Variants in ANKRD6 observed in about 807,000 individuals in gnomAD.
ANKRD6 encodes ankyrin repeat domain-containing protein 6.
In ANKRD6, 56 loss-of-function variants were observed where a neutral mutation model predicts 82.3. The observed-to-expected ratio is 0.68, with a 90% CI of 0.55 to 0.85. The LOEUF is 0.85. Ranked by LOEUF, ANKRD6 falls within the 40% of genes least tolerant of loss-of-function variation. The pLI is 0.00. For synonymous variants in ANKRD6, 347 were observed against 352.1 expected (o/e 0.99, Z 0.16); for missense variants, 852 against 907.6 (o/e 0.94, Z 0.79).
chr6:89,542,344 G>A (rs1176405614), intron 1 of ANKRD6, among the ~76,000 whole-genome samples: 1 of 152,158 alleles, frequency 6.6e-6, no homozygotes, highest in East Asian at 1.9e-4. Flanking sequence ...TTTCTGTGAT[G>A]TTACCTGTTG....
chr6:89,594,191 G>A (rs1314395127), intron 2 of ANKRD6, among the ~76,000 whole-genome samples: 4 of 152,160 alleles, frequency 2.6e-5, no homozygotes, highest in East Asian at 1.9e-4. Flanking sequence ...AGTGGCTAAC[G>A]CCTGCAATCT....
intron 3 of ANKRD6, among the ~76,000 whole-genome samples, chr6:89,596,721 C>T (rs972289442): frequency 1.6e-4 from 24 of 152,160 alleles, no homozygotes; most frequent in African/African-American, 4.6e-4. Context: ...GGTGGAGTCA[C>T]GTAGTACAGT....
chr6:89,615,711 G>GA (rs1389351842), intron 7 of ANKRD6, among the ~76,000 whole-genome samples: 1 of 152,058 alleles, frequency 6.6e-6, no homozygotes, highest in African/African-American at 2.4e-5. Context: ...TGCTACCCAG[G>GA]AAAAAAGTAT....
intron 1 of ANKRD6, among the ~76,000 whole-genome samples, chr6:89,505,641 C>A (rs1464043977): frequency 6.6e-6 from 1 of 152,202 alleles, no homozygotes; most frequent in Non-Finnish European, 1.5e-5. Context: ...TTACAGAAAA[C>A]CCACCCATTT....
At chr6:89,531,811 G>A (rs1325827475) in intron 1 of ANKRD6, among the ~76,000 whole-genome samples, 1 of 152,352 alleles carries the variant, frequency 6.6e-6, no homozygotes, top group East Asian at 1.9e-4. Flanking sequence ...TAGGTTGTGT[G>A]TATATAGAGA....
intron 3 of ANKRD6, among the ~76,000 whole-genome samples, chr6:89,598,630 A>G (rs1796406573): frequency 6.6e-6 from 1 of 152,206 alleles, no homozygotes; most frequent in Non-Finnish European, 1.5e-5. Context: ...TTTAGACCTT[A>G]TAGGCACCAA....
At chr6:89,590,148 C>T (rs747018199) in intron 2 of ANKRD6, among the ~76,000 whole-genome samples, 2 of 152,190 alleles carry the variant, frequency 1.3e-5, no homozygotes, top group African/African-American at 2.4e-5. Context: ...TGCTTATATA[C>T]TCTGAAGATC....
chr6:89,571,786 G>A (rs986548024), intron 2 of ANKRD6, among the ~76,000 whole-genome samples: 1 of 152,152 alleles, frequency 6.6e-6, no homozygotes, highest in Non-Finnish European at 1.5e-5. Context: ...ATCACCCAAA[G>A]TCCATAGTTT....
intron 1 of ANKRD6, among the ~76,000 whole-genome samples, chr6:89,491,930 T>G (rs1778057589): frequency 6.6e-6 from 1 of 152,198 alleles, no homozygotes; most frequent in East Asian, 1.9e-4. Context: ...CTATTACCAT[T>G]AGATCCTATC....
chr6:89,454,037 A>AG (rs2127960045), intron 1 of ANKRD6, among the ~76,000 whole-genome samples: 1 of 152,190 alleles, frequency 6.6e-6, no homozygotes, highest in South Asian at 2.1e-4. Context: ...TCCTGACCTC[A>AG]GGTGATCCAC....
chr6:89,441,387 A>G (rs1418698566), intron 1 of ANKRD6, among the ~76,000 whole-genome samples: 1 of 152,156 alleles, frequency 6.6e-6, no homozygotes, highest in Non-Finnish European at 1.5e-5. Context: ...TCCTGACCTC[A>G]AGTGATCTGC....
chr6:89,522,456 GC>G (rs1782001883), intron 1 of ANKRD6, among the ~76,000 whole-genome samples: 1 of 152,174 alleles, frequency 6.6e-6, no homozygotes, highest in African/African-American at 2.4e-5. Context: ...CTCAAAACCT[GC>G]TAAAGGGGAG....
At position 89,450,995 on chromosome 6, in the gene ANKRD6, T is replaced by C. The variant is rs561153843; in HGVS notation, c.-144+17620T>C. 3.5e-4 allele frequency among the ~76,000 whole-genome samples: 54 copies of C among 152,294 alleles called. No individual in the cohort carries two copies. In the South Asian group the frequency reaches 0.011, roughly 31 times the overall value. On this transcript the variant is annotated intron_variant, in intron 1 of 15. Coordinates refer to ENST00000339746, the MANE Select transcript of ANKRD6 (RefSeq NM_001242809.2). ...TAACCAAACCACAGTATCTCCAAGG[T>C]ATGCCTCTATAATTCAAATTACTAA...
chr6:89,475,075 G>T (rs1330369217), intron 1 of ANKRD6, among the ~76,000 whole-genome samples: 6 of 152,040 alleles, frequency 3.9e-5, no homozygotes, highest in African/African-American at 1.4e-4. Flanking sequence ...CTATATTCTT[G>T]ACCTGATCAG....
intron 1 of ANKRD6, chr6:89,504,987 G>A (rs931038908): frequency 1.3e-5 from 2 of 152,216 alleles, no homozygotes; most frequent in African/African-American, 4.8e-5. Flanking sequence ...GTTTCCATGA[G>A]TCACATGTGT....
intron 1 of ANKRD6, among the ~76,000 whole-genome samples, chr6:89,503,178 C>T (rs1237406937): frequency 6.6e-6 from 1 of 152,096 alleles, no homozygotes; most frequent in East Asian, 1.9e-4. Context: ...TTGCATTAGG[C>T]TAGTGGGTGG....
At chr6:89,450,761 A>G (rs1293862919) in intron 1 of ANKRD6, among the ~76,000 whole-genome samples, 1 of 151,646 alleles carries the variant, frequency 6.6e-6, no homozygotes, top group East Asian at 1.9e-4. Flanking sequence ...TTGGCCTCCC[A>G]GAGTGCTGGG....
At chr6:89,483,757 CAG>C (rs372862423) in intron 1 of ANKRD6, among the ~76,000 whole-genome samples, 3 of 152,222 alleles carry the variant, frequency 2.0e-5, no homozygotes, top group African/African-American at 7.2e-5. Flanking sequence ...AGGAGAGAAA[CAG>C]AGAGATATAT....
At chr6:89,618,157 G>A in intron 9 of ANKRD6, 126 bp downstream of exon 9, 2 of 1,042,406 alleles carry the variant, frequency 1.9e-6, no homozygotes, top group Non-Finnish European at 1.5e-6. Context: ...AGGCAGTGGA[G>A]GTATAGGCAT....
Sources: gnomAD v4.1 joint callset for allele counts (sites outside exome capture counted in the v4.1 genomes callset) on GRCh38, gnomAD v4.1.1 for gene constraint, MANE v1.5 for transcripts, NCBI Gene and HGNC (gene_info 2026-07-23, HGNC 2026-07-21) for gene names.